The following WIPF1 variants were observed in gnomAD, a reference collection of about 807,000 sequenced individuals.
WIPF1 encodes the protein WAS/WASL interacting protein family member 1.
WIPF1 carries 13 observed loss-of-function variants against 35.4 expected under a neutral mutation model. That is an observed-to-expected ratio of 0.37 (90% CI 0.24 to 0.58). WIPF1 has a LOEUF of 0.58. Ranked by LOEUF, WIPF1 falls within the 20% of genes least tolerant of loss-of-function variation. The pLI, the probability that WIPF1 is intolerant of heterozygous loss-of-function variation, is 0.74. For missense variants in WIPF1, 591 were observed against 667.0 expected, an observed-to-expected ratio of 0.89 and a Z score of 1.25; for synonymous variants, 267 against 266.3, an observed-to-expected ratio of 1.00 and a Z score of -0.02.
intron 1 of WIPF1, among the ~76,000 whole-genome samples, chr2:174,632,516 C>G (rs1687053735): frequency 6.6e-6 from 1 of 151,790 alleles, no homozygotes; most frequent in South Asian, 2.1e-4. Flanking sequence ...TCAAGACCAG[C>G]CTGACCAACA....
intron 1 of WIPF1, among the ~76,000 whole-genome samples, chr2:174,647,497 C>T (rs1687434702): frequency 6.6e-6 from 1 of 152,056 alleles, no homozygotes; most frequent in African/African-American, 2.4e-5. Context: ...CCTCAGCCTC[C>T]TGAGTAGCTG....
intron 1 of WIPF1, among the ~76,000 whole-genome samples, chr2:174,635,467 A>C (rs1487641842): frequency 6.6e-6 from 1 of 151,302 alleles, no homozygotes; most frequent in Non-Finnish European, 1.5e-5. Context: ...GCAGGGACTA[A>C]GCAACAAGCC....
chr2:174,562,392 G>A lies in WIPF1; in HGVS notation c.*155C>T, dbSNP rs182229040. 7 of 1,497,436 alleles carry A rather than the reference G, an allele frequency of 4.7e-6. No homozygotes were observed. The Admixed American group carries it at 1.4e-4, about 30-fold the overall frequency. The allele number at this position is 1,497,436 out of a possible 1,614,324, so 92.8% of individuals were successfully genotyped here. ...TGAAAAGCTAGGTGCATTTCTTACC[G>A]ATTCCCACCCACACACGCATATTCC... On this transcript the variant is annotated 3_prime_UTR_variant, in exon 8 of 8. Transcript: ENST00000679041.
Position 174,679,329 on chromosome 2 carries a change from C to T in WIPF1, c.-39+3445G>A, listed in dbSNP as rs779299667. Among the ~76,000 whole-genome samples the T allele has an allele frequency of 8.5e-5, 13 of 152,074 alleles. No homozygotes were observed. The East Asian group carries it at 1.7e-3, about 20-fold the overall frequency. On this transcript the variant is annotated intron_variant, in intron 1 of 8. Coordinates refer to the WIPF1 transcript ENST00000272746. ...ACTAAAAATACAAAAATTAGCCGGG[C>T]GTGGTGCACACTCCTGTAATCCCAG...
chr2:174,605,330 C>T (rs1355919699), intron 1 of WIPF1, among the ~76,000 whole-genome samples: 2 of 152,044 alleles, frequency 1.3e-5, no homozygotes, highest in Admixed American at 6.6e-5. Context: ...CCCAGCTACT[C>T]AGGAGGCTAA....
upstream of WIPF1, among the ~76,000 whole-genome samples, chr2:174,602,795 A>G (rs1686049313): frequency 1.3e-5 from 2 of 152,294 alleles, no homozygotes; most frequent in South Asian, 4.1e-4. Context: ...ACTTGGGGAA[A>G]AGTCTGCAGT....
chr2:174,568,216 G>A, intron 5 of WIPF1, 143 bp from the exon 6 acceptor site: 1 of 1,063,802 alleles, frequency 9.4e-7, no homozygotes, highest in Non-Finnish European at 1.3e-6. Flanking sequence ...GCTGAGAAAT[G>A]AGTAAACACA....
At chr2:174,579,721 T>C (rs1685175225) in intron 3 of WIPF1, among the ~76,000 whole-genome samples, 1 of 152,252 alleles carries the variant, frequency 6.6e-6, no homozygotes, top group Non-Finnish European at 1.5e-5. Context: ...GGAATAGGTC[T>C]AGACTGTCCA....
At chr2:174,619,874 C>T (rs913014322) in intron 1 of WIPF1, among the ~76,000 whole-genome samples, 2 of 151,308 alleles carry the variant, frequency 1.3e-5, no homozygotes, top group Non-Finnish European at 2.9e-5. Flanking sequence ...CCCAGGACGT[C>T]GACGTTGCAA....
intron 1 of WIPF1, among the ~76,000 whole-genome samples, chr2:174,646,186 T>A (rs575341577): frequency 7.9e-5 from 12 of 152,336 alleles, no homozygotes; most frequent in Admixed American, 7.2e-4. Context: ...TCAGAATTTG[T>A]GTTTTCCTCA....
chr2:174,646,903 C>T (rs1256716720), intron 1 of WIPF1, among the ~76,000 whole-genome samples: 2 of 152,166 alleles, frequency 1.3e-5, no homozygotes, highest in Non-Finnish European at 1.5e-5. Flanking sequence ...GCGTGAGCCA[C>T]CACGCAGAGC....
At chr2:174,655,141 A>G (rs1311388660) in intron 1 of WIPF1, among the ~76,000 whole-genome samples, 1 of 151,928 alleles carries the variant, frequency 6.6e-6, no homozygotes, top group Admixed American at 6.6e-5. Flanking sequence ...AAATCTGAGG[A>G]TCACCCTTGC....
chr2:174,584,511 A>G (rs1210046989), intron 2 of WIPF1, among the ~76,000 whole-genome samples: 1 of 152,214 alleles, frequency 6.6e-6, no homozygotes, highest in African/African-American at 2.4e-5. Flanking sequence ...CACAAGCTGG[A>G]GAGGGCTTTG....
intron 1 of WIPF1, among the ~76,000 whole-genome samples, chr2:174,621,589 C>G (rs1686676708): frequency 6.6e-6 from 1 of 151,894 alleles, no homozygotes; most frequent in South Asian, 2.1e-4. Flanking sequence ...CAATGCAAGC[C>G]CCATGCATAT....
intron 1 of WIPF1, among the ~76,000 whole-genome samples, chr2:174,646,878 G>C (rs1687420985): frequency 6.6e-6 from 1 of 152,160 alleles, no homozygotes; most frequent in Admixed American, 6.5e-5. Context: ...GCCTCCCAAA[G>C]TGCTGAAACT....
intron 1 of WIPF1, among the ~76,000 whole-genome samples, chr2:174,620,704 T>TGTAC (rs1686647133): frequency 6.6e-6 from 1 of 152,154 alleles, no homozygotes; most frequent in Non-Finnish European, 1.5e-5. Flanking sequence ...AAAGAGGGAT[T>TGTAC]CATTTTAGGG....
At chr2:174,595,113 T>A (rs1368097126) in intron 1 of WIPF1, among the ~76,000 whole-genome samples, 2,051 of 46,304 alleles carry the variant, frequency 0.044, 57 homozygotes, top group Non-Finnish European at 0.05. Flanking sequence ...AAAAAAAATA[T>A]ATATATATAT....
rs7590328 is a variant in WIPF1, at chr2:174,622,539, C to G, written c.-38-36928G>C. On this transcript the variant is annotated intron_variant, in intron 1 of 8. Transcript: ENST00000272746. The surrounding 1 kb of genome is among the most constrained non-coding windows in gnomAD (Gnocchi z 5.1). Reference sequence around the variant, plus strand: ...ACTGTTCTTGGGGAAGGGAAAGGAACGTAACACTATAGGATCCCCTCTCTA... The same window carrying G: ...ACTGTTCTTGGGGAAGGGAAAGGAAGGTAACACTATAGGATCCCCTCTCTA... Among the ~76,000 whole-genome samples, 8 of 152,050 alleles carry G rather than the reference C, an allele frequency of 5.3e-5. No homozygotes were observed. Among genetic ancestry groups the G allele is most frequent in the African/African-American group, 1.9e-4 (8 of 41,380 alleles).
At chr2:174,614,951 G>A (rs1049819146) in intron 1 of WIPF1, among the ~76,000 whole-genome samples, 2 of 152,184 alleles carry the variant, frequency 1.3e-5, no homozygotes, top group Admixed American at 6.5e-5. Flanking sequence ...GATGCACAAA[G>A]ATGAGAATAT....
Sources: gnomAD v4.1 joint callset for allele counts (sites outside exome capture counted in the v4.1 genomes callset) on GRCh38, gnomAD v4.1.1 for gene constraint, Gnocchi (gnomAD v3.1) non-coding constraint, MANE v1.5 for transcripts, NCBI Gene and HGNC (gene_info 2026-07-23, HGNC 2026-07-21) for gene names.